FAM83E: variants seen among roughly 807,000 people sequenced by gnomAD.
The protein encoded by FAM83E is protein FAM83E.
FAM83E carries 29 observed loss-of-function variants against 34.3 expected under a neutral mutation model. The observed-to-expected ratio is 0.85, with a 90% CI of 0.63 to 1.15. The LOEUF (loss-of-function observed/expected upper bound fraction) is 1.15. FAM83E is among the 50% of genes most tolerant of loss of function. FAM83E has a pLI of 0.00. For synonymous variants in FAM83E, 312 were observed against 311.6 expected (o/e 1.00, Z -0.01); for missense variants, 697 against 685.0 (o/e 1.02, Z -0.20).
intron 5 of FAM83E, chr19:48,607,231 A>G (rs1319077333): frequency 6.2e-7 from 1 of 1,612,552 alleles, no homozygotes; most frequent in South Asian, 1.1e-5. Flanking sequence ...CGTCACCTAC[A>G]GCCTCACCAC....
At chr19:48,605,244 C>CT (rs1245474642) in intron 5 of FAM83E, among the ~76,000 whole-genome samples, 4 of 152,032 alleles carry the variant, frequency 2.6e-5, no homozygotes, top group Non-Finnish European at 5.9e-5. Context: ...CTCCACGTTG[C>CT]TGCTCCCTGC....
At chr19:48,605,493 T>C (rs1331752309) in intron 5 of FAM83E, among the ~76,000 whole-genome samples, 4 of 152,018 alleles carry the variant, frequency 2.6e-5, no homozygotes, top group Admixed American at 2.0e-4. Context: ...GAGAATCACT[T>C]GAGCCTGGGA....
chr19:48,614,812 C>T lies in FAM83E; in HGVS notation c.-1360G>A. On this transcript the variant is annotated 5_prime_UTR_variant, in exon 2 of 7. Transcript: ENST00000263266. Reference sequence around the variant, plus strand: ...CTTCTACTTCTGCGGTGCTTCCCGGCTTCTGGCCTCACTCATCAGGCCTCG... The same window carrying T: ...CTTCTACTTCTGCGGTGCTTCCCGGTTTCTGGCCTCACTCATCAGGCCTCG... 1 of 985,184 alleles carries T rather than the reference C, an allele frequency of 1.0e-6. No homozygotes were observed. The highest frequency in any genetic ancestry group is 1.2e-6 in the Non-Finnish European group (1 of 829,662). 61.0% of individuals were successfully genotyped at this position (985,184 alleles called of 1,614,324 possible).
In FAM83E at chr19:48,610,800, CA is replaced by C. The variant is rs757747111; in HGVS notation, c.512del (p.Leu171TrpfsTer35). The C allele has an allele frequency of 7.5e-6, 12 of 1,593,366 alleles. No homozygotes were observed. In the East Asian group the frequency reaches 9.1e-5, roughly 12 times the overall value. Reference sequence around the variant, plus strand: ...GGCGCGTGGCAGCATCCACCAAGTCCAAAAGCAGGTCTGGGTCAGTGAAGAC... The same window carrying C: ...GGCGCGTGGCAGCATCCACCAAGTCCAAAGCAGGTCTGGGTCAGTGAAGAC... ...MDVFTDPDLL[L>X]DLVDAATRRW... On this transcript the variant is annotated frameshift_variant, in exon 4 of 7. Coordinates refer to ENST00000263266, the MANE Select transcript of FAM83E (RefSeq NM_017708.4). LOFTEE classifies it high-confidence loss of function.
Position 48,601,066 on chromosome 19 carries a change from A to C in FAM83E, c.*43T>G. 6.3e-7 allele frequency: 1 copy of C among 1,577,218 alleles called. No individual in the cohort carries two copies. The highest frequency in any genetic ancestry group is 8.6e-7 in the Non-Finnish European group (1 of 1,162,578). ...GGCTCTGAGCCGACAGTTGTCCGGCACTGCTCCTTGGGTGGGCCAGCAGAT... is the reference window on the plus strand; with the variant it reads ...GGCTCTGAGCCGACAGTTGTCCGGCCCTGCTCCTTGGGTGGGCCAGCAGAT... On this transcript the variant is annotated 3_prime_UTR_variant, in exon 7 of 7. Coordinates refer to ENST00000263266, the MANE Select transcript of FAM83E (RefSeq NM_017708.4).
At chr19:48,607,571 A>T in intron 5 of FAM83E, 1 of 621,286 alleles carries the variant, frequency 1.6e-6, no homozygotes, top group Non-Finnish European at 2.9e-6. Context: ...GTTTGATTGT[A>T]TTACTCTGTT....
intron 5 of FAM83E, chr19:48,607,633 T>G: frequency 2.1e-6 from 1 of 474,110 alleles, no homozygotes; most frequent in East Asian, 3.2e-5. Flanking sequence ...GATGCTTCTC[T>G]CCATTGGTAG....
rs778833224 is a variant in FAM83E, at chr19:48,614,407, G to A, written c.-1035C>T. ...CCCTACCCAAGCTGCCCCCAGCCTG[G>A]TTTCTGCCTAAATGCTATCTCCTGC... On this transcript the variant is annotated 5_prime_UTR_variant, in exon 3 of 7. Coordinates refer to ENST00000263266, the MANE Select transcript of FAM83E (RefSeq NM_017708.4). 6.1e-6 allele frequency: 6 copies of A among 985,576 alleles called. No individual in the cohort carries two copies. Among genetic ancestry groups the A allele is most frequent in the Non-Finnish European group, 7.2e-6 (6 of 830,104 alleles). The allele number at this position is 985,576 out of a possible 1,614,324, so 61.1% of individuals were successfully genotyped here. A position where few individuals can be genotyped will look rare whatever the true frequency, so the allele number is the denominator to read the frequency against.
At chr19:48,606,979 A>G in intron 5 of FAM83E, 1 of 1,604,764 alleles carries the variant, frequency 6.2e-7, no homozygotes, top group Non-Finnish European at 8.5e-7. Flanking sequence ...CCAGGCCGCC[A>G]TGGTCCTGTG....
chr19:48,601,506 TG>T (rs1214732563), intron 6 of FAM83E, 137 bp from the exon 7 acceptor site: 2 of 1,434,616 alleles, frequency 1.4e-6, no homozygotes, highest in East Asian at 5.1e-5. Flanking sequence ...GGCTCACGCC[TG>T]TAATCCCAGC....
chr19:48,613,643 C>T lies in FAM83E; in HGVS notation c.-271G>A. 7.6e-7 allele frequency: 1 copy of T among 1,316,736 alleles called. No individual in the cohort carries two copies. The highest frequency in any genetic ancestry group is 3.1e-5 in the East Asian group (1 of 32,120). 81.6% of individuals were successfully genotyped at this position (1,316,736 alleles called of 1,614,324 possible). A position where few individuals can be genotyped will look rare whatever the true frequency, so the allele number is the denominator to read the frequency against. ...CCTGCCTGCACCCAGTGGCACCATG[C>T]CTGGCTGGCCTTCCGTGACCTTCCT... On this transcript the variant is annotated 5_prime_UTR_variant, in exon 3 of 7. Transcript: ENST00000263266.
rs1226831336 is a variant in FAM83E at position 48,610,681 on chromosome 19, T to TCC, written c.630_631dup (p.Glu211GlyfsTer22). ...AGGACCCCCTGGCCCGGCCCCTACCTCCGTGTTCCAGGGGTTCACCCCCAG... is the reference window on the plus strand; with the variant it reads ...AGGACCCCCTGGCCCGGCCCCTACCTCCCCGTGTTCCAGGGGTTCACCCCCAG... On this transcript the variant is annotated frameshift_variant and splice_region_variant, in exon 4 of 7. Transcript: ENST00000263266. LOFTEE classifies it high-confidence loss of function. 13 of 1,564,872 alleles carry TCC rather than the reference T, an allele frequency of 8.3e-6. No homozygotes were observed. Among genetic ancestry groups the TCC allele is most frequent in the Non-Finnish European group, 1.1e-5 (13 of 1,155,062 alleles).
chr19:48,609,265 C>CTTTTT (rs869031073), intron 5 of FAM83E, among the ~76,000 whole-genome samples: 66 of 99,650 alleles, frequency 6.6e-4, no homozygotes, highest in East Asian at 1.9e-3. Context: ...TTCTTTCTTT[C>CTTTTT]TTTTTTTTTT....
rs749303679 is a variant in FAM83E at position 48,613,042 on chromosome 19, C to T, written c.331G>A (p.Val111Ile). ...TCCACTGGCCAGCCCAGCCGCAGGA[C>T]GGGCGCCGGCTGCTCCGACTGCCCA... ...WPGQSEQPAP[V>I]LRLGWPVDSA... Residue 111 changes from valine to isoleucine, a missense_variant, in exon 3 of 7, where the codon GTC (valine) becomes ATC (isoleucine). Coordinates refer to ENST00000263266, the MANE Select transcript of FAM83E (RefSeq NM_017708.4). The T allele has an allele frequency of 3.0e-5, 48 of 1,602,076 alleles. No homozygotes were observed. Among genetic ancestry groups the T allele is most frequent in the South Asian group, 1.6e-4 (14 of 89,574 alleles).
At chr19:48,607,087 A>T in intron 5 of FAM83E, 1 of 1,613,236 alleles carries the variant, frequency 6.2e-7, no homozygotes, top group Non-Finnish European at 8.5e-7. Context: ...GTGTCCTGGT[A>T]CCTACATGCA....
chr19:48,606,558 A>G (rs533239988), intron 5 of FAM83E, among the ~76,000 whole-genome samples: 9 of 152,314 alleles, frequency 5.9e-5, no homozygotes, highest in African/African-American at 2.2e-4. Flanking sequence ...AATGCGGACA[A>G]GCTTGTGGCC....
rs869031073 is a variant in FAM83E, at chr19:48,609,265, CTTTTTTTTT to C, written c.758+602_758+610del. Among the ~76,000 whole-genome samples, 447 of 99,738 alleles carry C rather than the reference CTTTTTTTTT, an allele frequency of 4.5e-3. 1 individual carries two copies. The highest frequency in any genetic ancestry group is 0.017 in the Middle Eastern group (2 of 120). 65.4% of individuals were successfully genotyped at this position (99,738 alleles called of 152,430 possible). Reference sequence around the variant, plus strand: ...GTTATTATTTGCAGTTTCTTTCTTTCTTTTTTTTTTTTTTTTTTTTTTGCTTTTTTGAGA... The same window carrying C: ...GTTATTATTTGCAGTTTCTTTCTTTCTTTTTTTTTTTTTGCTTTTTTGAGA... On this transcript the variant is annotated intron_variant, in intron 5 of 6. Transcript: ENST00000263266.
intron 6 of FAM83E, 45 bp from the exon 7 acceptor site, chr19:48,601,414 C>A: frequency 6.5e-7 from 1 of 1,543,818 alleles, no homozygotes; most frequent in Middle Eastern, 1.8e-4. Context: ...TGGGGTGGGG[C>A]CCTGGGGGCA....
At position 48,612,131 on chromosome 19, in the gene FAM83E, C is replaced by T. The variant is rs766852374; in HGVS notation, c.465+777G>A. ...TCCGTGGGCACAATAGTCCCTCTGG[C>T]GGTACAGGGTTCCGGGACGATGATG... On this transcript the variant is annotated intron_variant, in intron 3 of 6. Coordinates refer to ENST00000263266, the MANE Select transcript of FAM83E (RefSeq NM_017708.4). 6.5e-4 allele frequency among the ~76,000 whole-genome samples: 99 copies of T among 152,170 alleles called. 1 individual carries two copies. Among genetic ancestry groups the T allele is most frequent in the Non-Finnish European group, 7.8e-4 (53 of 68,030 alleles).
Sources: gnomAD v4.1 joint callset for allele counts (sites outside exome capture counted in the v4.1 genomes callset) on GRCh38, gnomAD v4.1.1 for gene constraint, MANE v1.5 for transcripts, NCBI Gene and HGNC (gene_info 2026-07-23, HGNC 2026-07-21) for gene names.